The following CCSER1 variants were observed in gnomAD, a reference collection of about 807,000 sequenced individuals.
The protein encoded by CCSER1 is serine-rich coiled-coil domain-containing protein 1.
A neutral mutation model predicts 82.0 loss-of-function variants in CCSER1; 41 were observed. The ratio of observed to expected loss-of-function variants is 0.50; its 90% CI spans 0.39 to 0.65. The LOEUF is 0.65. Among genes scored for constraint, CCSER1 ranks in the 30% least tolerant of loss-of-function variants. The pLI, the probability that CCSER1 is intolerant of heterozygous loss-of-function variation, is 0.00. For synonymous variants in CCSER1, 414 were observed against 383.9 expected, an observed-to-expected ratio of 1.08 and a Z score of -0.92; for missense variants, 1,119 against 1,064.2, an observed-to-expected ratio of 1.05 and a Z score of -0.72.
intron 4 of CCSER1, among the ~76,000 whole-genome samples, chr4:90,411,822 C>T (rs905382296): frequency 6.6e-6 from 1 of 152,242 alleles, no homozygotes; most frequent in East Asian, 1.9e-4. Context: ...GGAAAAGAGG[C>T]AGTCAAATTG....
In CCSER1 at chr4:90,719,499, GAAAA is replaced by G. The variant is rs568287785; in HGVS notation, c.1933-4414_1933-4411del. On this transcript the variant is annotated intron_variant, in intron 6 of 10. Transcript: ENST00000509176. ...ACTTTGTGGAAAAATTGTTTTCCATGAAAACGGTCCCTCATGCCAAAAAGGTTGA... is the reference window on the plus strand; with the variant it reads ...ACTTTGTGGAAAAATTGTTTTCCATGCGGTCCCTCATGCCAAAAAGGTTGA... 7.9e-5 allele frequency among the ~76,000 whole-genome samples: 12 copies of G among 152,192 alleles called. No individual in the cohort carries two copies. In the East Asian group the frequency reaches 2.3e-3, roughly 29 times the overall value.
intron 10 of CCSER1, among the ~76,000 whole-genome samples, chr4:91,582,310 G>T (rs1317325335): frequency 6.6e-6 from 1 of 151,510 alleles, no homozygotes; most frequent in Admixed American, 6.6e-5. Flanking sequence ...TGAACTGTTA[G>T]TTAAGATTCT....
chr4:90,640,842 CT>C (rs1407939715), intron 6 of CCSER1, among the ~76,000 whole-genome samples: 1 of 152,104 alleles, frequency 6.6e-6, no homozygotes, highest in Non-Finnish European at 1.5e-5. Flanking sequence ...TTTCTGAGGC[CT>C]CCCCAGCCAT....
chr4:90,303,038 C>T (rs1284620494), intron 1 of CCSER1, among the ~76,000 whole-genome samples: 1 of 152,076 alleles, frequency 6.6e-6, no homozygotes, highest in African/African-American at 2.4e-5. Context: ...AAGGGAAATA[C>T]AAGTTCATAT....
chr4:91,156,130 TATATG>T (rs1730794268), intron 10 of CCSER1, among the ~76,000 whole-genome samples: 1 of 151,768 alleles, frequency 6.6e-6, no homozygotes, highest in African/African-American at 2.4e-5. Context: ...ATGTTGATAA[TATATG>T]ATATTGATAA....
chr4:90,380,407 AT>A, intron 3 of CCSER1, among the ~76,000 whole-genome samples: 1 of 152,340 alleles, frequency 6.6e-6, no homozygotes, highest in African/African-American at 2.4e-5. Context: ...GTAGTTAATG[AT>A]TTTTAACTAT....
At chr4:90,655,434 G>A (rs567637705) in intron 6 of CCSER1, among the ~76,000 whole-genome samples, 2 of 152,056 alleles carry the variant, frequency 1.3e-5, no homozygotes, top group Non-Finnish European at 2.9e-5. Context: ...AGAACTTTGG[G>A]AAGTTTTAAA....
At chr4:90,421,342 A>G (rs1756660537) in intron 4 of CCSER1, among the ~76,000 whole-genome samples, 1 of 152,144 alleles carries the variant, frequency 6.6e-6, no homozygotes, top group Non-Finnish European at 1.5e-5. Flanking sequence ...TCAAGACCAC[A>G]TTTTCTGTAC....
At chr4:90,746,193 C>T (rs935821399) in intron 7 of CCSER1, among the ~76,000 whole-genome samples, 1 of 152,100 alleles carries the variant, frequency 6.6e-6, no homozygotes, top group South Asian at 2.1e-4. Flanking sequence ...CCAATAGATG[C>T]AAATGTTCTT....
At chr4:90,995,022 T>C (rs1737368889) in intron 9 of CCSER1, among the ~76,000 whole-genome samples, 1 of 152,204 alleles carries the variant, frequency 6.6e-6, no homozygotes, top group Admixed American at 6.6e-5. Context: ...TGCTTTCCAT[T>C]CTGCACTCTG....
At chr4:90,175,847 G>A (rs1732564279) in intron 1 of CCSER1, among the ~76,000 whole-genome samples, 1 of 151,968 alleles carries the variant, frequency 6.6e-6, no homozygotes, top group African/African-American at 2.4e-5. Context: ...CTACTCAAAA[G>A]AGTGTGAGAG....
chr4:91,187,575 G>A (rs1476643993), intron 10 of CCSER1, among the ~76,000 whole-genome samples: 1 of 151,736 alleles, frequency 6.6e-6, no homozygotes, highest in Admixed American at 6.6e-5. Context: ...TTTTGAGACG[G>A]AGTTTTGCTC....
chr4:90,386,659 T>C (rs1259010239), intron 3 of CCSER1, among the ~76,000 whole-genome samples: 1 of 152,190 alleles, frequency 6.6e-6, no homozygotes, highest in Non-Finnish European at 1.5e-5. Flanking sequence ...CAAATTAATC[T>C]AAAAAGCTTC....
chr4:91,169,353 T>C (rs1489254449), intron 10 of CCSER1, among the ~76,000 whole-genome samples: 1 of 152,108 alleles, frequency 6.6e-6, no homozygotes, highest in Admixed American at 6.5e-5. Flanking sequence ...AGGCATGGTG[T>C]CTCACGCCTA....
At chr4:91,356,243 A>G (rs933903913) in intron 10 of CCSER1, among the ~76,000 whole-genome samples, 1 of 152,244 alleles carries the variant, frequency 6.6e-6, no homozygotes, top group Non-Finnish European at 1.5e-5. Context: ...TTTCTGACAC[A>G]TAGAGTGTAA....
At chr4:91,174,552 G>C (rs556138938) in intron 10 of CCSER1, among the ~76,000 whole-genome samples, 4 of 151,986 alleles carry the variant, frequency 2.6e-5, no homozygotes, top group African/African-American at 9.7e-5. Context: ...CCATCAACCC[G>C]TAATCTAGGT....
chr4:90,765,275 C>T (rs531339431), intron 7 of CCSER1, among the ~76,000 whole-genome samples: 33 of 152,242 alleles, frequency 2.2e-4, no homozygotes, highest in African/African-American at 7.5e-4. Flanking sequence ...GGGCTTTGAT[C>T]TCCTTAAAGG....
At chr4:90,801,661 C>G (rs1756829653) in intron 7 of CCSER1, among the ~76,000 whole-genome samples, 1 of 151,984 alleles carries the variant, frequency 6.6e-6, no homozygotes, top group Admixed American at 6.6e-5. Context: ...CTTGACCATC[C>G]CGTAAAAGAT....
At chr4:91,116,004 C>G (rs111558046) in intron 10 of CCSER1, among the ~76,000 whole-genome samples, 3 of 151,698 alleles carry the variant, frequency 2.0e-5, no homozygotes, top group Admixed American at 2.0e-4. Context: ...ATCCCTCCCC[C>G]CTGTCCCCAC....
Sources: allele counts gnomAD v4.1 joint callset (sites outside exome capture counted in the v4.1 genomes callset), GRCh38; gene constraint gnomAD v4.1.1; transcripts MANE v1.5; gene names NCBI Gene and HGNC (gene_info 2026-07-23, HGNC 2026-07-21).